FMNL3: variants seen among roughly 807,000 people sequenced by gnomAD.
FMNL3 encodes formin like 3.
Under a neutral mutation model 119.6 loss-of-function variants are expected in FMNL3, and 57 were observed. That is an observed-to-expected ratio of 0.48 (90% CI 0.39 to 0.59). The LOEUF is 0.59. Ranked by LOEUF, FMNL3 falls within the 20% of genes least tolerant of loss-of-function variation. FMNL3 has a pLI of 0.00. For missense variants in FMNL3, 1,053 were observed against 1,323.5 expected (o/e 0.80, Z 3.17); for synonymous variants, 491 against 507.3 (o/e 0.97, Z 0.43).
chr12:49,672,055 G>A (rs544714645), intron 1 of FMNL3, among the ~76,000 whole-genome samples: 1 of 152,236 alleles, frequency 6.6e-6, no homozygotes, highest in South Asian at 2.1e-4. Context: ...GAACACTGTG[G>A]GTGTTCAACA....
rs12303147 is a variant in FMNL3, at chr12:49,672,093, C to G, written c.127-3539G>C. Among the ~76,000 whole-genome samples, 396 of 152,310 alleles carry G rather than the reference C, an allele frequency of 2.6e-3. 2 individuals are homozygous for G. The highest frequency in any genetic ancestry group is 9.0e-3 in the African/African-American group (374 of 41,562). ...GTCCCCCTCACCGCCTGCTTCCTCC[C>G]GAAAATCTTGTGTCATGTTCTGATG... On this transcript the variant is annotated intron_variant, in intron 1 of 25. Coordinates refer to ENST00000335154, the MANE Select transcript of FMNL3 (RefSeq NM_175736.5).
At position 49,645,691 on chromosome 12, in the gene FMNL3, G is replaced by A; in HGVS notation, c.*124C>T. ...CACAAGTAGAAAGATCCAGCCTCAAGAGCTGGGGCGGACATGGTTGAGAGA... is the reference window on the plus strand; with the variant it reads ...CACAAGTAGAAAGATCCAGCCTCAAAAGCTGGGGCGGACATGGTTGAGAGA... On this transcript the variant is annotated 3_prime_UTR_variant, in exon 26 of 26. Coordinates refer to ENST00000335154, the MANE Select transcript of FMNL3 (RefSeq NM_175736.5). The A allele has an allele frequency of 5.2e-6, 4 of 771,424 alleles. No individual in the cohort carries two copies. The highest frequency in any genetic ancestry group is 8.1e-6 in the Non-Finnish European group (4 of 496,054). 47.8% of individuals were successfully genotyped at this position (771,424 alleles called of 1,614,324 possible).
chr12:49,707,155 C>A lies in FMNL3; in HGVS notation c.26G>T (p.Gly9Val), dbSNP rs764307256. 1.9e-6 allele frequency: 3 copies of A among 1,585,390 alleles called. No homozygotes were observed. Among genetic ancestry groups the A allele is most frequent in the African/African-American group, 2.7e-5 (2 of 73,042 alleles). MGNLESAE[G>V]VPGEPPSVPL... The stretch of plus-strand genomic sequence containing the variant: ...GACAGAGGGGGGCTCTCCCGGGACC[C>A]CCTCGGCGCTCTCCAGGTTGCCCAT... The change falls in exon 1 of 26, where the codon GGG becomes GTG. Residue 9 changes from glycine to valine, a missense_variant. Gly to Val is a moderately radical substitution (Grantham distance 109). Coordinates refer to ENST00000335154, the MANE Select transcript of FMNL3 (RefSeq NM_175736.5).
Position 49,647,918 on chromosome 12 carries a change from A to G in FMNL3, c.2677-114T>C. 1 of 896,532 alleles carries G rather than the reference A, an allele frequency of 1.1e-6. No individual in the cohort carries two copies. The highest frequency in any genetic ancestry group is 2.6e-5 in the East Asian group (1 of 37,908). The allele number at this position is 896,532 out of a possible 1,614,324, so 55.5% of individuals were successfully genotyped here. A position where few individuals can be genotyped will look rare whatever the true frequency, so the allele number is the denominator to read the frequency against. On this transcript the variant is annotated intron_variant, in intron 22 of 25. Coordinates refer to ENST00000335154, the MANE Select transcript of FMNL3 (RefSeq NM_175736.5). The surrounding 1 kb of genome is among the most constrained non-coding windows in gnomAD (Gnocchi z 4.9). Reference sequence around the variant, plus strand: ...GCCCAGGGCCAAAGGGAGGAAAACCAAGCACCCAGGCCCCTGTGAGCTGGA... The same window carrying G: ...GCCCAGGGCCAAAGGGAGGAAAACCGAGCACCCAGGCCCCTGTGAGCTGGA...
At chr12:49,692,822 C>T (rs1313189726) in intron 1 of FMNL3, among the ~76,000 whole-genome samples, 1 of 152,032 alleles carries the variant, frequency 6.6e-6, no homozygotes, top group Non-Finnish European at 1.5e-5. Context: ...GAATAGGATG[C>T]TAACTAAGAA....
At chr12:49,683,096 T>A (rs1944377000) in intron 1 of FMNL3, among the ~76,000 whole-genome samples, 1 of 152,184 alleles carries the variant, frequency 6.6e-6, no homozygotes, top group Admixed American at 6.5e-5. Flanking sequence ...TAACTACTCT[T>A]CTCAACAACT....
chr12:49,651,920 T>C lies in FMNL3; in HGVS notation c.1603+13A>G. 6.4e-7 allele frequency: 1 copy of C among 1,566,308 alleles called. No homozygotes were observed. The highest frequency in any genetic ancestry group is 1.2e-5 in the South Asian group (1 of 84,074). On this transcript the variant is annotated intron_variant, in intron 14 of 25. Coordinates refer to ENST00000335154, the MANE Select transcript of FMNL3 (RefSeq NM_175736.5). ...GGCTGCCCCTGTTGGCTCCCAGGGGTCGTCGTGGTTACCTGGTAATGGGGG... is the reference window on the plus strand; with the variant it reads ...GGCTGCCCCTGTTGGCTCCCAGGGGCCGTCGTGGTTACCTGGTAATGGGGG...
At position 49,642,713 on chromosome 12, in the gene FMNL3, T is replaced by C. The variant is rs915624928; in HGVS notation, c.*3102A>G. The C allele has an allele frequency of 6.3e-6, 10 of 1,593,038 alleles. No individual in the cohort carries two copies. In the African/African-American group the frequency reaches 8.1e-5, roughly 13 times the overall value. On this transcript the variant is annotated 3_prime_UTR_variant, in exon 26 of 26. Transcript: ENST00000335154. The surrounding 1 kb of genome is among the most constrained non-coding windows in gnomAD (Gnocchi z 5.8). ...TGTCCTCTGGATCTGCCTCAGGCCC[T>C]TGAACTCATTAGACCAGTTCAACAG...
Position 49,636,755 on chromosome 12 carries a change from A to T in FMNL3, c.*9060T>A, listed in dbSNP as rs1329585818. The T allele has an allele frequency of 6.2e-7, 1 of 1,614,214 alleles. No individual in the cohort carries two copies. Among genetic ancestry groups the T allele is most frequent in the East Asian group, 2.2e-5 (1 of 44,886 alleles). The stretch of plus-strand genomic sequence containing the variant: ...GATGCACTGATCTGTTTTGAGGAGC[A>T]CATCCGAGCTTTGGAGAGGGAAGAG... On this transcript the variant is annotated 3_prime_UTR_variant, in exon 26 of 26. Coordinates refer to ENST00000335154, the MANE Select transcript of FMNL3 (RefSeq NM_175736.5).
chr12:49,663,798 A>C (rs1943807677), intron 4 of FMNL3, among the ~76,000 whole-genome samples: 1 of 152,136 alleles, frequency 6.6e-6, no homozygotes. Flanking sequence ...CTCCCAATAA[A>C]AGCACACCCC....
chr12:49,706,944 G>C (rs941909678), intron 1 of FMNL3, 111 bp downstream of exon 1: 4 of 1,296,910 alleles, frequency 3.1e-6, no homozygotes, highest in South Asian at 1.4e-5. Flanking sequence ...GGATCCGTTC[G>C]GGACCCCGAC....
intron 1 of FMNL3, among the ~76,000 whole-genome samples, chr12:49,693,766 G>A (rs953817792): frequency 9.6e-5 from 14 of 146,472 alleles, no homozygotes; most frequent in African/African-American, 3.0e-4. Context: ...CTCCTGCATC[G>A]GCCTCCTGAC....
At chr12:49,663,639 G>A (rs1054674392) in intron 4 of FMNL3, among the ~76,000 whole-genome samples, 2 of 152,256 alleles carry the variant, frequency 1.3e-5, no homozygotes, top group African/African-American at 4.8e-5. Flanking sequence ...ACCAGGTCCA[G>A]GACCTCTAAC....
In FMNL3 at chr12:49,645,104, CAAAAAAAAAAAA is replaced by C. The variant is rs3073937; in HGVS notation, c.*699_*710del. 3.1e-4 allele frequency: 17 copies of C among 55,612 alleles called. No individual in the cohort carries two copies. Among genetic ancestry groups the C allele is most frequent in the East Asian group, 1.1e-3 (2 of 1,866 alleles). 3.4% of individuals were successfully genotyped at this position (55,612 alleles called of 1,614,324 possible). A position where few individuals can be genotyped will look rare whatever the true frequency, so the allele number is the denominator to read the frequency against. On this transcript the variant is annotated 3_prime_UTR_variant, in exon 26 of 26. Coordinates refer to ENST00000335154, the MANE Select transcript of FMNL3 (RefSeq NM_175736.5). The stretch of plus-strand genomic sequence containing the variant: ...GACCACCATGCTCCTTGTCCCCTGC[CAAAAAAAAAAAA>C]AAAAAAAAAAAAACCGTAGCTGAGG...
intron 25 of FMNL3, 107 bp from the exon 26 acceptor site, chr12:49,646,010 A>G: frequency 2.2e-6 from 2 of 903,826 alleles, no homozygotes; most frequent in Non-Finnish European, 3.4e-6. Flanking sequence ...GCAGTGAGGC[A>G]GATAAACAGG....
Position 49,652,117 on chromosome 12 carries a change from T to G in FMNL3, c.1419A>C (p.Pro473=), listed in dbSNP as rs770632130. Residue 473 remains proline (P), a synonymous_variant, in exon 14 of 26, where the codon CCA becomes CCC. Transcript: ENST00000335154. ...CCACAGACTCCAGGCCCCGGACATT[T>G]GGCTCCAAATGACATCGACGCTGAA... is the stretch of plus-strand genomic sequence containing the variant. ...EAFQRRCHLE[P]NVRGLESVDS... 3 of 1,613,240 alleles carry G rather than the reference T, an allele frequency of 1.9e-6. No homozygotes were observed. Among genetic ancestry groups the G allele is most frequent in the Non-Finnish European group, 2.5e-6 (3 of 1,179,710 alleles).
intron 1 of FMNL3, among the ~76,000 whole-genome samples, chr12:49,693,250 A>T (rs139725462): frequency 1.3e-3 from 198 of 152,322 alleles, no homozygotes; most frequent in South Asian, 0.011. Flanking sequence ...GGAAAGCCAG[A>T]TGGTTGGCTG....
Position 49,643,426 on chromosome 12 carries a change from G to A in FMNL3, c.*2389C>T. On this transcript the variant is annotated 3_prime_UTR_variant, in exon 26 of 26. Transcript: ENST00000335154. Reference sequence around the variant, plus strand: ...AGCAGTTGCTGTGAGCGTAGAAGCTGGAGAACTGTTGTCCCAGACTGAGAG... The same window carrying A: ...AGCAGTTGCTGTGAGCGTAGAAGCTAGAGAACTGTTGTCCCAGACTGAGAG... The A allele has an allele frequency of 6.5e-7, 1 of 1,531,684 alleles. No individual in the cohort carries two copies. Among genetic ancestry groups the A allele is most frequent in the Non-Finnish European group, 8.8e-7 (1 of 1,141,994 alleles). The allele number at this position is 1,531,684 out of a possible 1,614,324, so 94.9% of individuals were successfully genotyped here.
intron 1 of FMNL3, among the ~76,000 whole-genome samples, chr12:49,677,229 T>C (rs1944214616): frequency 6.6e-6 from 1 of 152,246 alleles, no homozygotes; most frequent in South Asian, 2.1e-4. Context: ...AATGTGTTCA[T>C]GGAATTGTGA....
Sources: allele counts gnomAD v4.1 joint callset (sites outside exome capture counted in the v4.1 genomes callset), GRCh38; gene constraint gnomAD v4.1.1; non-coding constraint Gnocchi (gnomAD v3.1); transcripts MANE v1.5; gene names NCBI Gene and HGNC (gene_info 2026-07-23, HGNC 2026-07-21).